The following FBXL7 variants were observed in gnomAD, a reference collection of about 807,000 sequenced individuals.
The protein encoded by FBXL7 is F-box and leucine rich repeat protein 7.
Under a neutral mutation model 38.3 loss-of-function variants are expected in FBXL7, and 12 were observed. That is an observed-to-expected ratio of 0.31 (90% CI 0.20 to 0.51). FBXL7 has a LOEUF of 0.51. FBXL7 is among the 20% of genes least tolerant of loss of function. The pLI, the probability that FBXL7 is intolerant of heterozygous loss-of-function variation, is 0.98. For synonymous variants in FBXL7, 297 were observed against 300.9 expected (o/e 0.99, Z 0.13); for missense variants, 567 against 676.4 (o/e 0.84, Z 1.79).
intron 2 of FBXL7, among the ~76,000 whole-genome samples, chr5:15,852,748 C>T (rs1329400606): frequency 6.6e-6 from 1 of 151,768 alleles, no homozygotes; most frequent in Non-Finnish European, 1.5e-5. Flanking sequence ...GAATTTGGAA[C>T]TAAACCTGGG....
chr5:15,816,415 C>T (rs910434316), intron 2 of FBXL7, among the ~76,000 whole-genome samples: 1 of 152,098 alleles, frequency 6.6e-6, no homozygotes, highest in African/African-American at 2.4e-5. Context: ...CCTAAGTTCT[C>T]ACTTACAAGT....
intron 2 of FBXL7, among the ~76,000 whole-genome samples, chr5:15,702,013 A>T (rs1162698352): frequency 6.6e-6 from 1 of 152,116 alleles, no homozygotes; most frequent in Non-Finnish European, 1.5e-5. Context: ...TGAGGCGGGC[A>T]GATCACCTGA....
chr5:15,606,123 C>A (rs1309347078), intron 1 of FBXL7, among the ~76,000 whole-genome samples: 1 of 152,142 alleles, frequency 6.6e-6, no homozygotes, highest in Non-Finnish European at 1.5e-5. Context: ...GGTTTCAGTT[C>A]ATCCTTAGAA....
intron 2 of FBXL7, among the ~76,000 whole-genome samples, chr5:15,806,763 A>G (rs991198328): frequency 2.6e-5 from 4 of 152,166 alleles, no homozygotes; most frequent in African/African-American, 9.7e-5. Context: ...GGGCCCACGT[A>G]TAGCTAGAAG....
chr5:15,509,697 C>G (rs773659902), intron 1 of FBXL7, among the ~76,000 whole-genome samples: 1 of 152,124 alleles, frequency 6.6e-6, no homozygotes, highest in Non-Finnish European at 1.5e-5. Context: ...GAGATTCTCC[C>G]TGGTTATCCT....
rs570441326 is a variant in FBXL7 at position 15,788,397 on chromosome 5, C to T, written c.128-139493C>T. 3.3e-5 allele frequency among the ~76,000 whole-genome samples: 5 copies of T among 152,092 alleles called. No individual in the cohort carries two copies. The East Asian group carries it at 9.7e-4, about 29-fold the overall frequency. On this transcript the variant is annotated intron_variant, in intron 2 of 3. Transcript: ENST00000504595. ...GAATACAGAAGTGGATCTGCAGTGC[C>T]CATGAATGATGTGGCATTGCTAAAA...
chr5:15,673,172 C>A lies in FBXL7; in HGVS notation c.127+57100C>A, dbSNP rs562204032. 5.7e-4 allele frequency among the ~76,000 whole-genome samples: 86 copies of A among 152,080 alleles called. 1 individual carries two copies. The highest frequency in any genetic ancestry group is 2.0e-3 in the African/African-American group (82 of 41,512). On this transcript the variant is annotated intron_variant, in intron 2 of 3. Transcript: ENST00000504595. ...CTCCACTAAAAGTACAAAAATTAACCGGGCCTGGTGGCGGGCACCTGTAAT... is the reference window on the plus strand; with the variant it reads ...CTCCACTAAAAGTACAAAAATTAACAGGGCCTGGTGGCGGGCACCTGTAAT...
chr5:15,700,587 C>G (rs561548215), intron 2 of FBXL7, among the ~76,000 whole-genome samples: 1 of 152,308 alleles, frequency 6.6e-6, no homozygotes, highest in African/African-American at 2.4e-5. Context: ...TAGCCCTTTC[C>G]TCAGCAAATG....
At chr5:15,824,619 T>C (rs1440517193) in intron 2 of FBXL7, among the ~76,000 whole-genome samples, 1 of 152,166 alleles carries the variant, frequency 6.6e-6, no homozygotes, top group East Asian at 1.9e-4. Flanking sequence ...AAGGAAAACA[T>C]ACCTTCTGTT....
chr5:15,529,976 T>C (rs960374975), intron 1 of FBXL7, among the ~76,000 whole-genome samples: 2 of 152,204 alleles, frequency 1.3e-5, no homozygotes, highest in Non-Finnish European at 2.9e-5. Flanking sequence ...CAAGGAAGTG[T>C]ATATTGATAT....
chr5:15,835,767 G>A (rs1738577535), intron 2 of FBXL7, among the ~76,000 whole-genome samples: 1 of 152,100 alleles, frequency 6.6e-6, no homozygotes, highest in Non-Finnish European at 1.5e-5. Flanking sequence ...TCTGTTACAG[G>A]ACAAAAATCA....
chr5:15,775,018 T>C (rs1736823200), intron 2 of FBXL7, among the ~76,000 whole-genome samples: 1 of 152,184 alleles, frequency 6.6e-6, no homozygotes, highest in Non-Finnish European at 1.5e-5. Flanking sequence ...CCTTGACAGA[T>C]CACCAGGTAG....
intron 2 of FBXL7, among the ~76,000 whole-genome samples, chr5:15,788,753 C>G (rs548677867): frequency 1.3e-5 from 2 of 152,058 alleles, no homozygotes; most frequent in South Asian, 2.1e-4. Flanking sequence ...GATCTTGGCT[C>G]ACTGCAAACT....
chr5:15,883,276 T>G (rs576866461), intron 2 of FBXL7, among the ~76,000 whole-genome samples: 1 of 152,342 alleles, frequency 6.6e-6, no homozygotes, highest in South Asian at 2.1e-4. Context: ...AATGTACATT[T>G]ATCTTTGACA....
chr5:15,638,061 G>T (rs1327878168), intron 2 of FBXL7, among the ~76,000 whole-genome samples: 1 of 152,196 alleles, frequency 6.6e-6, no homozygotes, highest in Non-Finnish European at 1.5e-5. Context: ...AAGTGTCAAA[G>T]ATAAGAAGAT....
chr5:15,934,312 G>T (rs906922897), intron 3 of FBXL7, among the ~76,000 whole-genome samples: 1 of 152,164 alleles, frequency 6.6e-6, no homozygotes. Context: ...GTCGGTTTTT[G>T]CCATTTTAAT....
At chr5:15,571,620 T>A (rs548638048) in intron 1 of FBXL7, among the ~76,000 whole-genome samples, 42 of 152,026 alleles carry the variant, frequency 2.8e-4, no homozygotes, top group Non-Finnish European at 3.4e-4. Context: ...TTCATATGAG[T>A]TGGTAGCCTG....
At chr5:15,832,901 G>A (rs1489664004) in intron 2 of FBXL7, among the ~76,000 whole-genome samples, 2 of 152,062 alleles carry the variant, frequency 1.3e-5, no homozygotes, top group African/African-American at 4.8e-5. Flanking sequence ...AAAGGACCCG[G>A]TGGGAGGTAA....
chr5:15,682,748 C>T (rs1212789707), intron 2 of FBXL7, among the ~76,000 whole-genome samples: 1 of 152,180 alleles, frequency 6.6e-6, no homozygotes, highest in Non-Finnish European at 1.5e-5. Flanking sequence ...AAGCTGCTTA[C>T]AACTACATGT....
Sources: allele counts gnomAD v4.1 joint callset (sites outside exome capture counted in the v4.1 genomes callset), GRCh38; gene constraint gnomAD v4.1.1; transcripts MANE v1.5; gene names NCBI Gene and HGNC (gene_info 2026-07-23, HGNC 2026-07-21).